SPTLC2: variants seen among roughly 807,000 people sequenced by gnomAD.
SPTLC2 encodes the protein serine palmitoyltransferase long chain base subunit 2, also known as serine palmitoyltransferase 2.
SPTLC2 carries 21 observed loss-of-function variants against 62.0 expected under a neutral mutation model. The ratio of observed to expected loss-of-function variants is 0.34; its 90% confidence interval spans 0.24 to 0.49. SPTLC2 has a LOEUF of 0.49. Ranked by LOEUF, SPTLC2 falls within the 20% of genes least tolerant of loss-of-function variation. SPTLC2 has a pLI of 0.99. For missense variants in SPTLC2, 511 were observed against 713.0 expected, an observed-to-expected ratio of 0.72 and a Z score of 3.23; for synonymous variants, 261 against 261.8, an observed-to-expected ratio of 1.00 and a Z score of 0.03.
intron 11 of SPTLC2, among the ~76,000 whole-genome samples, chr14:77,517,356 T>G (rs1369623550): frequency 6.6e-6 from 1 of 152,270 alleles, no homozygotes; most frequent in East Asian, 1.9e-4. Context: ...ATGGCAATAA[T>G]GATTTAAACT....
At chr14:77,550,926 A>AC (rs1385645614) in intron 9 of SPTLC2, among the ~76,000 whole-genome samples, 1 of 151,130 alleles carries the variant, frequency 6.6e-6, no homozygotes, top group African/African-American at 2.4e-5. Context: ...CAGAAAAAAA[A>AC]AAAAAGAAAG....
At chr14:77,613,528 T>C (rs928855988) in intron 1 of SPTLC2, among the ~76,000 whole-genome samples, 1 of 152,230 alleles carries the variant, frequency 6.6e-6, no homozygotes. Context: ...ATCTAGCTCA[T>C]CAAATTCTAA....
At chr14:77,606,318 C>T (rs1300642211) in intron 1 of SPTLC2, among the ~76,000 whole-genome samples, 2 of 151,664 alleles carry the variant, frequency 1.3e-5, no homozygotes, top group African/African-American at 2.4e-5. Context: ...GGCAACAGAG[C>T]GAGACTCTGT....
chr14:77,570,643 G>T, intron 4 of SPTLC2, 135 bp from the exon 5 acceptor site: 1 of 995,324 alleles, frequency 1.0e-6, no homozygotes, highest in Non-Finnish European at 1.5e-6. Context: ...TCAATATTAT[G>T]AAGAGTAATA....
chr14:77,575,454 G>C (rs2079709684), intron 4 of SPTLC2, among the ~76,000 whole-genome samples: 1 of 152,124 alleles, frequency 6.6e-6, no homozygotes, highest in Non-Finnish European at 1.5e-5. Flanking sequence ...GCGACGCTTT[G>C]GCCAATAGAA....
At chr14:77,534,178 TCACACACA>T (rs199819444) in intron 9 of SPTLC2, among the ~76,000 whole-genome samples, 12,960 of 114,912 alleles carry the variant, frequency 0.11, 1,206 homozygotes, top group East Asian at 0.6. Flanking sequence ...TCTCTCTCTC[TCACACACA>T]CACACACACA....
At chr14:77,569,709 C>T (rs115038863) in intron 5 of SPTLC2, among the ~76,000 whole-genome samples, 2,044 of 147,978 alleles carry the variant, frequency 0.014, 64 homozygotes, top group African/African-American at 0.048. Context: ...ATATAATTTA[C>T]ATTTACATAC....
intron 9 of SPTLC2, among the ~76,000 whole-genome samples, chr14:77,528,164 T>C (rs2139998931): frequency 6.6e-6 from 1 of 152,284 alleles, no homozygotes; most frequent in South Asian, 2.1e-4. Flanking sequence ...TCCTCCAACT[T>C]ATACTTTCCA....
At chr14:77,552,067 T>C (rs758955964) in intron 9 of SPTLC2, 29 bp downstream of exon 9, 13 of 1,613,162 alleles carry the variant, frequency 8.1e-6, no homozygotes, top group South Asian at 2.2e-5. Context: ...GGTGGACTTA[T>C]GCAATGTTTC....
intron 6 of SPTLC2, among the ~76,000 whole-genome samples, chr14:77,558,687 T>C (rs1290167417): frequency 2.6e-5 from 4 of 151,042 alleles, no homozygotes; most frequent in African/African-American, 9.7e-5. Context: ...AGTGGCGTGA[T>C]CTCTGCTCAC....
intron 9 of SPTLC2, 87 bp from the exon 10 acceptor site, chr14:77,521,668 A>G (rs1360508168): frequency 3.3e-6 from 4 of 1,213,886 alleles, no homozygotes; most frequent in African/African-American, 1.5e-5. Context: ...TCTCCATTCT[A>G]TCTAATCAGT....
chr14:77,524,795 A>G (rs941251990), intron 9 of SPTLC2, among the ~76,000 whole-genome samples: 2 of 152,278 alleles, frequency 1.3e-5, no homozygotes, highest in Admixed American at 6.5e-5. Flanking sequence ...GTGGGAGCTA[A>G]AAAAGTTGAT....
At chr14:77,545,019 A>C (rs977781364) in intron 9 of SPTLC2, among the ~76,000 whole-genome samples, 1 of 151,548 alleles carries the variant, frequency 6.6e-6, no homozygotes, top group Non-Finnish European at 1.5e-5. Flanking sequence ...CCACTGGAAG[A>C]CCCCATTGCA....
chr14:77,523,449 A>T (rs1044841235), intron 9 of SPTLC2, among the ~76,000 whole-genome samples: 11 of 152,072 alleles, frequency 7.2e-5, no homozygotes, highest in Non-Finnish European at 1.5e-4. Context: ...CGGGGGCTAG[A>T]ATTTGTTGGG....
In SPTLC2 at chr14:77,555,316, T is replaced by C. The variant is rs779772302; in HGVS notation, c.1160A>G (p.Tyr387Cys). Residue 387 changes from tyrosine to cysteine, a missense_variant, in exon 8 of 12, where the codon TAT (tyrosine) becomes TGT (cysteine). By Grantham distance (194) the Tyr-to-Cys change is radical. Transcript: ENST00000216484. ...FTKSFGASGGYIGGKKELIDY... is the reference protein window; with the variant it reads ...FTKSFGASGGCIGGKKELIDY... ...CTCGTTTACCTTCTTGCCTCCAATA[T>C]ATCCTCCAGAAGCACCAAAACTCTT... 1.1e-5 allele frequency: 18 copies of C among 1,613,974 alleles called. No individual in the cohort carries two copies. The highest frequency in any genetic ancestry group is 1.5e-5 in the Non-Finnish European group (18 of 1,180,016).
chr14:77,561,486 C>T (rs2079614710), intron 6 of SPTLC2, among the ~76,000 whole-genome samples: 2 of 151,886 alleles, frequency 1.3e-5, no homozygotes, highest in Admixed American at 1.3e-4. Context: ...TGGCGCGCTC[C>T]TGTAATCCCA....
intron 1 of SPTLC2, among the ~76,000 whole-genome samples, chr14:77,608,159 C>T (rs2079914941): frequency 6.6e-6 from 1 of 152,126 alleles, no homozygotes; most frequent in Non-Finnish European, 1.5e-5. Flanking sequence ...ACCCCAGGAC[C>T]TTCTCTGGCC....
At chr14:77,574,946 A>G (rs1283507274) in intron 4 of SPTLC2, among the ~76,000 whole-genome samples, 1 of 152,178 alleles carries the variant, frequency 6.6e-6, no homozygotes, top group Admixed American at 6.5e-5. Context: ...GGTGACTCAC[A>G]CCTATAATCC....
At chr14:77,595,312 C>T (rs535469790) in intron 2 of SPTLC2, among the ~76,000 whole-genome samples, 1 of 151,948 alleles carries the variant, frequency 6.6e-6, no homozygotes, top group South Asian at 2.1e-4. Context: ...TTGCAGTGAG[C>T]CGAGATCACA....
Sources: gnomAD v4.1 joint callset for allele counts (sites outside exome capture counted in the v4.1 genomes callset) on GRCh38, gnomAD v4.1.1 for gene constraint, MANE v1.5 for transcripts, NCBI Gene and HGNC (gene_info 2026-07-23, HGNC 2026-07-21) for gene names.